The following CACNA2D3 variants were observed in gnomAD, a reference collection of about 807,000 sequenced individuals.
CACNA2D3 encodes calcium voltage-gated channel auxiliary subunit alpha2delta 3.
Under a neutral mutation model 160.6 loss-of-function variants are expected in CACNA2D3, and 60 were observed. That is an observed-to-expected ratio of 0.37 (90% CI 0.30 to 0.46). The LOEUF (loss-of-function observed/expected upper bound fraction) is 0.46. Among genes scored for constraint, CACNA2D3 ranks in the 20% least tolerant of loss-of-function variants. The pLI, the probability that CACNA2D3 is intolerant of heterozygous loss-of-function variation, is 1.00. For synonymous variants in CACNA2D3, 558 were observed against 492.9 expected (o/e 1.13, Z -1.75); for missense variants, 1,205 against 1,365.0 (o/e 0.88, Z 1.85).
At chr3:54,617,102 A>G (rs1698869781) in intron 9 of CACNA2D3, among the ~76,000 whole-genome samples, 1 of 152,098 alleles carries the variant, frequency 6.6e-6, no homozygotes, top group South Asian at 2.1e-4. Flanking sequence ...TTCTCACTAC[A>G]TGTATGTCTG....
At chr3:54,250,434 A>C (rs1702165416) in intron 2 of CACNA2D3, among the ~76,000 whole-genome samples, 1 of 152,158 alleles carries the variant, frequency 6.6e-6, no homozygotes, top group East Asian at 1.9e-4. Flanking sequence ...TAACAATTAA[A>C]ATAAATACTT....
chr3:54,860,209 G>A (rs1699261717), intron 17 of CACNA2D3, among the ~76,000 whole-genome samples: 1 of 152,104 alleles, frequency 6.6e-6, no homozygotes, highest in Admixed American at 6.5e-5. Context: ...GTCAGACCAA[G>A]GGTTTATCTG....
chr3:55,031,845 G>A (rs1016956798), intron 35 of CACNA2D3, among the ~76,000 whole-genome samples: 8 of 152,010 alleles, frequency 5.3e-5, no homozygotes, highest in Non-Finnish European at 1.5e-5. Context: ...ATCAAAGTCA[G>A]GAGGATGTGG....
intron 12 of CACNA2D3, among the ~76,000 whole-genome samples, chr3:54,756,827 C>T (rs539862257): frequency 3.3e-5 from 5 of 152,102 alleles, no homozygotes; most frequent in Non-Finnish European, 5.9e-5. Flanking sequence ...TGGGGACATT[C>T]GTACCCCTTG....
intron 13 of CACNA2D3, among the ~76,000 whole-genome samples, chr3:54,792,698 T>G (rs927855175): frequency 1.3e-5 from 2 of 152,134 alleles, no homozygotes; most frequent in African/African-American, 2.4e-5. Context: ...CGTTTCCTCA[T>G]GGTTCCAGCT....
chr3:54,735,994 CAT>C lies in CACNA2D3; in HGVS notation c.1168-16594_1168-16593del, dbSNP rs765236307. Among the ~76,000 whole-genome samples, 248 of 73,324 alleles carry C rather than the reference CAT, an allele frequency of 3.4e-3. 9 individuals carry two copies. The highest frequency in any genetic ancestry group is 7.0e-3 in the African/African-American group (133 of 19,034). The allele number at this position is 73,324 out of a possible 152,430, so 48.1% of individuals were successfully genotyped here. A position where few individuals can be genotyped will look rare whatever the true frequency, so the allele number is the denominator to read the frequency against. On this transcript the variant is annotated intron_variant, in intron 11 of 37. Transcript: ENST00000474759. Reference sequence around the variant, plus strand: ...TTTTCCATGCATGTATATATATATACATATATATATATGTATATATATACACA... The same window carrying C: ...TTTTCCATGCATGTATATATATATACATATATATATGTATATATATACACA...
intron 12 of CACNA2D3, 130 bp from the exon 13 acceptor site, chr3:54,764,087 GA>G: frequency 1.1e-6 from 1 of 924,726 alleles, no homozygotes; most frequent in Non-Finnish European, 1.6e-6. Flanking sequence ...AAAAATGGGG[GA>G]GAGGAGCTAA....
intron 11 of CACNA2D3, among the ~76,000 whole-genome samples, chr3:54,745,893 C>T (rs573543085): frequency 6.0e-4 from 92 of 152,170 alleles, no homozygotes; most frequent in African/African-American, 2.0e-3. Flanking sequence ...ACTCTTAGAG[C>T]GTCCCTAAGG....
intron 5 of CACNA2D3, among the ~76,000 whole-genome samples, chr3:54,536,894 C>T (rs542219847): frequency 4.6e-5 from 7 of 152,338 alleles, no homozygotes; most frequent in East Asian, 3.9e-4. Context: ...GGAGAAGTCC[C>T]TTCCCCTTTC....
intron 11 of CACNA2D3, among the ~76,000 whole-genome samples, chr3:54,735,607 C>T (rs1317649073): frequency 1.3e-5 from 2 of 152,004 alleles, no homozygotes; most frequent in African/African-American, 4.8e-5. Context: ...CCCATGAGCT[C>T]CTTTTAATAG....
At chr3:54,418,639 A>C (rs1441334242) in intron 4 of CACNA2D3, among the ~76,000 whole-genome samples, 1 of 152,224 alleles carries the variant, frequency 6.6e-6, no homozygotes, top group Non-Finnish European at 1.5e-5. Context: ...ACAGAAAGAC[A>C]CAGATTTGAA....
At chr3:54,842,112 C>T (rs1698832576) in intron 16 of CACNA2D3, among the ~76,000 whole-genome samples, 1 of 152,226 alleles carries the variant, frequency 6.6e-6, no homozygotes, top group Non-Finnish European at 1.5e-5. Flanking sequence ...GAGACTCATC[C>T]ACAGAATGTG....
At chr3:55,061,952 C>A (rs1023654997) in intron 35 of CACNA2D3, among the ~76,000 whole-genome samples, 17 of 152,118 alleles carry the variant, frequency 1.1e-4, no homozygotes, top group Non-Finnish European at 2.1e-4. Context: ...AGAGAAACTT[C>A]TATAGAAGGT....
chr3:54,642,100 A>G, intron 10 of CACNA2D3, 28 bp from the exon 11 acceptor site: 1 of 1,424,262 alleles, frequency 7.0e-7, no homozygotes, highest in Admixed American at 1.8e-5. Flanking sequence ...TGATATGTAT[A>G]CTATTTTGAA....
At chr3:54,487,240 C>T (rs1575484005) in intron 4 of CACNA2D3, among the ~76,000 whole-genome samples, 2 of 152,016 alleles carry the variant, frequency 1.3e-5, no homozygotes, top group East Asian at 1.9e-4. Context: ...TGGTGGCATG[C>T]ACCTGTAGTC....
intron 27 of CACNA2D3, among the ~76,000 whole-genome samples, chr3:54,930,558 T>C (rs1303144514): frequency 6.6e-6 from 1 of 152,152 alleles, no homozygotes; most frequent in East Asian, 1.9e-4. Context: ...CAATTGGATG[T>C]TGGAGGTCAA....
intron 10 of CACNA2D3, among the ~76,000 whole-genome samples, chr3:54,634,753 A>G (rs1575396419): frequency 6.6e-6 from 1 of 152,146 alleles, no homozygotes; most frequent in African/African-American, 2.4e-5. Context: ...TCACAAGGTA[A>G]TGTCATCAGT....
chr3:54,948,374 A>G (rs1463847689), intron 27 of CACNA2D3, among the ~76,000 whole-genome samples: 3 of 152,172 alleles, frequency 2.0e-5, no homozygotes, highest in Non-Finnish European at 4.4e-5. Flanking sequence ...AAAAATTAAA[A>G]TGCTCCCAAG....
chr3:54,937,855 T>C (rs1171026486), intron 27 of CACNA2D3, among the ~76,000 whole-genome samples: 2 of 152,056 alleles, frequency 1.3e-5, no homozygotes, highest in Non-Finnish European at 2.9e-5. Context: ...GGAAGGAGCT[T>C]GGGCAAGCAG....
Sources: gnomAD v4.1 joint callset for allele counts (sites outside exome capture counted in the v4.1 genomes callset) on GRCh38, gnomAD v4.1.1 for gene constraint, MANE v1.5 for transcripts, NCBI Gene and HGNC (gene_info 2026-07-23, HGNC 2026-07-21) for gene names.